Variants in CCDC110 observed in about 807,000 individuals in gnomAD.
CCDC110 encodes coiled-coil domain-containing protein 110.
CCDC110 carries 70 observed loss-of-function variants against 77.1 expected under a neutral mutation model. The observed-to-expected ratio is 0.91, with a 90% confidence interval of 0.75 to 1.11. The LOEUF (loss-of-function observed/expected upper bound fraction) is 1.11, where lower values mean the gene tolerates loss of function less well. Among genes scored for constraint, CCDC110 ranks in the 50% least tolerant of loss-of-function variants. CCDC110 has a pLI of 0.00. For missense variants in CCDC110, 868 were observed against 942.9 expected, an observed-to-expected ratio of 0.92 and a Z score of 1.04; for synonymous variants, 295 against 312.5, an observed-to-expected ratio of 0.94 and a Z score of 0.59.
rs2095660365 is a variant in CCDC110, at chr4:185,468,654, A to G, written c.115+2291T>C. Among the ~76,000 whole-genome samples, 1 of 152,078 alleles carries G rather than the reference A, an allele frequency of 6.6e-6. No individual in the cohort carries two copies. The highest frequency in any genetic ancestry group is 1.9e-4 in the East Asian group (1 of 5,196). ...GCTCTTTCCCTAGAAATCTGCACAG[A>G]TTGCTTCTTTACTTCCTTCTGGTCT... is the stretch of plus-strand genomic sequence containing the variant. On this transcript the variant is annotated intron_variant, in intron 2 of 6. Coordinates refer to ENST00000307588, the MANE Select transcript of CCDC110 (RefSeq NM_152775.4). The surrounding 1 kb of genome is among the most constrained non-coding windows in gnomAD (Gnocchi z 4.5).
intron 2 of CCDC110, among the ~76,000 whole-genome samples, chr4:185,467,444 T>C (rs1330724840): frequency 6.6e-6 from 1 of 152,154 alleles, no homozygotes; most frequent in East Asian, 1.9e-4. Context: ...ACCCAGGAGA[T>C]AAAACACAAT....
chr4:185,465,547 C>A (rs765686370), intron 2 of CCDC110, among the ~76,000 whole-genome samples: 1 of 152,158 alleles, frequency 6.6e-6, no homozygotes, highest in African/African-American at 2.4e-5. Context: ...GAGACAGGGG[C>A]TAGGTTATGC....
intron 2 of CCDC110, chr4:185,470,508 C>T (rs532416516): frequency 8.7e-6 from 3 of 346,470 alleles, no homozygotes; most frequent in South Asian, 4.3e-5. Context: ...TCCAAGGATG[C>T]GGAACTCCCA....
chr4:185,462,209 G>A lies in CCDC110; in HGVS notation c.237+434C>T, dbSNP rs1445231513. ...GTCTGAGAATCCCCTACTGTGGAAA[G>A]CAGAATCAGGATACAGAGTGAGACC... is the stretch of plus-strand genomic sequence containing the variant. On this transcript the variant is annotated intron_variant, in intron 4 of 6. Transcript: ENST00000307588. Among the ~76,000 whole-genome samples, 5 of 152,326 alleles carry A rather than the reference G, an allele frequency of 3.3e-5. No individual in the cohort carries two copies. The East Asian group carries it at 9.6e-4, about 29-fold the overall frequency.
chr4:185,446,416 T>C (rs1400630152), intron 6 of CCDC110, among the ~76,000 whole-genome samples: 21 of 152,196 alleles, frequency 1.4e-4, no homozygotes, highest in Admixed American at 1.4e-3. Flanking sequence ...TTCTTGCTCA[T>C]GAGACTACTG....
intron 6 of CCDC110, chr4:185,452,387 T>C (rs1470483879): frequency 7.1e-6 from 7 of 985,186 alleles, no homozygotes; most frequent in Non-Finnish European, 8.4e-6. Flanking sequence ...AAACAATGAT[T>C]GTGGATGTTG....
intron 2 of CCDC110, among the ~76,000 whole-genome samples, chr4:185,464,160 C>T (rs1218176184): frequency 6.6e-6 from 1 of 152,180 alleles, no homozygotes; most frequent in Non-Finnish European, 1.5e-5. Context: ...ATGGAACGTT[C>T]CCCTAGGCTG....
chr4:185,454,948 A>T (rs2095634052), intron 6 of CCDC110, among the ~76,000 whole-genome samples: 2 of 151,992 alleles, frequency 1.3e-5, no homozygotes, highest in Non-Finnish European at 2.9e-5. Flanking sequence ...AAACTTCTTG[A>T]TACTTAAAAC....
At position 185,468,959 on chromosome 4, in the gene CCDC110, T is replaced by C. The variant is rs925151282; in HGVS notation, c.115+1986A>G. On this transcript the variant is annotated intron_variant, in intron 2 of 6. Transcript: ENST00000307588. The surrounding 1 kb of genome is among the most constrained non-coding windows in gnomAD (Gnocchi z 4.5). ...GAAACTTAGCAGGTGCTCAAAAGAA[T>C]ATGCTCCACAAACGAATGAATGAAT... 1.3e-5 allele frequency among the ~76,000 whole-genome samples: 2 copies of C among 152,198 alleles called. No individual in the cohort carries two copies. Among genetic ancestry groups the C allele is most frequent in the South Asian group, 4.1e-4 (2 of 4,832 alleles).
rs2095640305 is a variant in CCDC110, at chr4:185,458,742, C to CTT, written c.1844_1845insAA (p.Leu616SerfsTer2). The CTT allele has an allele frequency of 6.2e-7, 1 of 1,608,146 alleles. No individual in the cohort carries two copies. Among genetic ancestry groups the CTT allele is most frequent in the African/African-American group, 1.3e-5 (1 of 74,498 alleles). On this transcript the variant is annotated frameshift_variant, in exon 6 of 7. Coordinates refer to ENST00000307588, the MANE Select transcript of CCDC110 (RefSeq NM_152775.4). LOFTEE classifies it high-confidence loss of function. Reference sequence around the variant, plus strand: ...TTGCCAATCTTTCTTTCTCTTTTAGCTGGATTATCTCTAGCTGGCTTTCTT... The same window carrying CTT: ...TTGCCAATCTTTCTTTCTCTTTTAGCTTTGGATTATCTCTAGCTGGCTTTCTT...
intron 3 of CCDC110, 73 bp downstream of exon 3, chr4:185,462,921 G>C: frequency 8.0e-7 from 1 of 1,253,568 alleles, no homozygotes; most frequent in South Asian, 1.2e-5. Flanking sequence ...TTTGCATTTA[G>C]GGAGTATTTA....
intron 2 of CCDC110, among the ~76,000 whole-genome samples, chr4:185,469,741 G>A (rs538298772): frequency 6.6e-6 from 1 of 152,198 alleles, no homozygotes; most frequent in Non-Finnish European, 1.5e-5. Flanking sequence ...GTAGTGCCTG[G>A]GCACCCGGGT....
intron 2 of CCDC110, among the ~76,000 whole-genome samples, chr4:185,467,208 G>A (rs1330135643): frequency 6.6e-6 from 1 of 152,216 alleles, no homozygotes; most frequent in African/African-American, 2.4e-5. Flanking sequence ...TCAAAAGTGA[G>A]TGTTTTTCTC....
chr4:185,452,246 A>C (rs1480454450), intron 6 of CCDC110: 2 of 985,290 alleles, frequency 2.0e-6, no homozygotes, highest in African/African-American at 3.5e-5. Context: ...CTCTCCTGTT[A>C]TGATGCCTGT....
In CCDC110 at chr4:185,459,372, T is replaced by A; in HGVS notation, c.1215A>T (p.Gly405=). Residue 405 remains glycine, a synonymous_variant, in exon 6 of 7, where the codon GGA becomes GGT. Coordinates refer to ENST00000307588, the MANE Select transcript of CCDC110 (RefSeq NM_152775.4). ...KERQPFLVKQ[G]SIISENEKTS... ...TTTTCTCATTTTCAGATATTATTGA[T>A]CCTTGTTTTACTAGAAATGGTTGTC... is the stretch of plus-strand genomic sequence containing the variant. The A allele has an allele frequency of 6.2e-7, 1 of 1,612,074 alleles. No individual in the cohort carries two copies. The highest frequency in any genetic ancestry group is 1.1e-5 in the South Asian group (1 of 90,504).
rs1367400051 is a variant in CCDC110, at chr4:185,459,798, T to C, written c.789A>G (p.Thr263=). 6.2e-7 allele frequency: 1 copy of C among 1,613,756 alleles called. No individual in the cohort carries two copies. The highest frequency in any genetic ancestry group is 2.2e-5 in the East Asian group (1 of 44,842). Residue 263 remains threonine, a synonymous_variant, in exon 6 of 7, where the codon ACA becomes ACG. Transcript: ENST00000307588. ...CAGTTTGTAAAGTCTGAAGTTCATT[T>C]GTAAGTGCCACTTCCCCATCATGTG... is the stretch of plus-strand genomic sequence containing the variant. ...QKSHDGEVAL[T]NELQTLQTDP...
chr4:185,457,293 C>T (rs753226611), intron 6 of CCDC110: 13 of 456,170 alleles, frequency 2.8e-5, no homozygotes, highest in South Asian at 2.0e-4. Flanking sequence ...GATTGTGTTT[C>T]CTCTGGAGCC....
chr4:185,455,884 CAAAAAAA>C (rs34041481), intron 6 of CCDC110, among the ~76,000 whole-genome samples: 1 of 147,880 alleles, frequency 6.8e-6, no homozygotes, highest in Non-Finnish European at 1.5e-5. Flanking sequence ...GACTCCATCT[CAAAAAAA>C]AAATATTAAT....
At chr4:185,460,338 C>T (rs1269602473) in intron 5 of CCDC110, 100 bp from the exon 6 acceptor site, 4 of 809,896 alleles carry the variant, frequency 4.9e-6, no homozygotes, top group African/African-American at 1.7e-5. Flanking sequence ...GTACCCTAAA[C>T]AAGCATTTTA....
Sources: gnomAD v4.1 joint callset for allele counts (sites outside exome capture counted in the v4.1 genomes callset) on GRCh38, gnomAD v4.1.1 for gene constraint, Gnocchi (gnomAD v3.1) non-coding constraint, MANE v1.5 for transcripts, NCBI Gene and HGNC (gene_info 2026-07-23, HGNC 2026-07-21) for gene names.